The following ZNF254 variants were observed in gnomAD, a reference collection of about 807,000 sequenced individuals.
ZNF254 encodes CTD-2017D11.1.
ZNF254 carries 10 observed loss-of-function variants against 12.4 expected under a neutral mutation model. That is an observed-to-expected ratio of 0.80 (90% confidence interval 0.50 to 1.36). ZNF254 has a LOEUF of 1.36. Ranked by LOEUF, ZNF254 falls within the 40% of genes most tolerant of loss-of-function variation. ZNF254 has a pLI of 0.00. For missense variants in ZNF254, 996 were observed against 763.9 expected (o/e 1.30, Z -3.58); for synonymous variants, 305 against 253.4 (o/e 1.20, Z -1.93).
At chr19:24,062,554 T>G (rs1446927533) in intron 2 of ZNF254, among the ~76,000 whole-genome samples, 1 of 152,106 alleles carries the variant, frequency 6.6e-6, no homozygotes, top group Non-Finnish European at 1.5e-5. Flanking sequence ...CCATATACAG[T>G]CCACAAGAGA....
At chr19:24,034,901 A>G (rs1222531137) in intron 1 of ZNF254, among the ~76,000 whole-genome samples, 1 of 151,230 alleles carries the variant, frequency 6.6e-6, no homozygotes, top group Non-Finnish European at 1.5e-5. Context: ...CTCTTGCCTC[A>G]GCCTCCCGAG....
intron 1 of ZNF254, among the ~76,000 whole-genome samples, chr19:24,100,259 A>G (rs1022395860): frequency 7.0e-6 from 1 of 143,436 alleles, no homozygotes; most frequent in Non-Finnish European, 1.5e-5. Context: ...ACATGGAGAC[A>G]TGAGAATCTC....
chr19:24,041,235 C>T (rs994948987), intron 1 of ZNF254, among the ~76,000 whole-genome samples: 19 of 152,250 alleles, frequency 1.2e-4, no homozygotes, highest in African/African-American at 4.3e-4. Flanking sequence ...CCCTTCAGGC[C>T]CCCCACTGCA....
In ZNF254 at chr19:24,059,718, C is replaced by T. The variant is rs533629037; in HGVS notation, c.-94+13439C>T. On this transcript the variant is annotated intron_variant, in intron 2 of 4. Transcript: ENST00000613065. ...GGGTATGATGATGTTTCTTTTCTTT[C>T]ATCACCCAAGTGGTGTGACTCTCCA... is the stretch of plus-strand genomic sequence containing the variant. Among the ~76,000 whole-genome samples, 5 of 152,284 alleles carry T rather than the reference C, an allele frequency of 3.3e-5. No individual in the cohort carries two copies. In the South Asian group the frequency reaches 6.2e-4, roughly 19 times the overall value.
At chr19:24,038,698 C>T (rs1970051889) in intron 1 of ZNF254, among the ~76,000 whole-genome samples, 1 of 152,206 alleles carries the variant, frequency 6.6e-6, no homozygotes, top group Non-Finnish European at 1.5e-5. Context: ...CACAATTGTG[C>T]AGTAAAGTGC....
chr19:24,082,037 C>A (rs760049872), intron 2 of ZNF254, among the ~76,000 whole-genome samples: 4 of 151,780 alleles, frequency 2.6e-5, no homozygotes, highest in Non-Finnish European at 4.4e-5. Flanking sequence ...GCATGAGAAT[C>A]ACTTGAACCT....
chr19:24,117,967 G>A (rs1444466288), intron 3 of ZNF254, among the ~76,000 whole-genome samples: 2 of 151,580 alleles, frequency 1.3e-5, no homozygotes, highest in African/African-American at 2.4e-5. Flanking sequence ...TTTATTTTTA[G>A]TTATTTGAAG....
chr19:24,098,987 T>C (rs1972832930), intron 1 of ZNF254: 1 of 133,732 alleles, frequency 7.5e-6, no homozygotes, highest in South Asian at 2.5e-4. Flanking sequence ...CAGGCTTCGC[T>C]CTTTTTTTTT....
At chr19:24,105,799 T>G in intron 1 of ZNF254, 141 bp from the exon 2 acceptor site, 1 of 1,350,594 alleles carries the variant, frequency 7.4e-7, no homozygotes, top group Non-Finnish European at 9.9e-7. Context: ...TGTTCATGTG[T>G]TGACAATTAT....
chr19:24,075,027 T>A (rs747409345), intron 2 of ZNF254, among the ~76,000 whole-genome samples: 20 of 152,232 alleles, frequency 1.3e-4, no homozygotes, highest in Non-Finnish European at 2.2e-4. Context: ...TGTATTGTGA[T>A]GTATGGCTGG....
intron 3 of ZNF254, among the ~76,000 whole-genome samples, chr19:24,123,309 C>A (rs1974611895): frequency 6.6e-6 from 1 of 152,088 alleles, no homozygotes; most frequent in South Asian, 2.1e-4. Context: ...TTTGGTAAGA[C>A]TTCCTTTTTG....
At position 24,087,261 on chromosome 19, in the gene ZNF254, G is replaced by T. The variant is rs1337247863; in HGVS notation, c.-47G>T. On this transcript the variant is annotated 5_prime_UTR_variant, in exon 1 of 4. Transcript: ENST00000357002. ...TGTGTCCTCTGCTCCTAGAGGCCCA[G>T]CCTCTGTGGCGCTGTTACCAGCAGG... The T allele has an allele frequency of 6.2e-7, 1 of 1,612,370 alleles. No individual in the cohort carries two copies. The highest frequency in any genetic ancestry group is 1.3e-5 in the African/African-American group (1 of 75,012).
intron 2 of ZNF254, chr19:24,078,861 C>G (rs935712011): frequency 6.6e-6 from 1 of 152,170 alleles, no homozygotes; most frequent in Non-Finnish European, 1.5e-5. Context: ...ACATCTTGAT[C>G]TTTTGTCATT....
chr19:24,119,001 A>G (rs556165394), intron 3 of ZNF254, among the ~76,000 whole-genome samples: 8 of 151,794 alleles, frequency 5.3e-5, no homozygotes, highest in African/African-American at 1.9e-4. Context: ...AACCCAGGCT[A>G]CTCGGGAGGC....
intron 1 of ZNF254, among the ~76,000 whole-genome samples, chr19:24,101,291 C>T (rs1479714557): frequency 6.6e-6 from 1 of 152,224 alleles, no homozygotes; most frequent in East Asian, 1.9e-4. Flanking sequence ...GGTCTGGCCT[C>T]TGCCTGGAAT....
chr19:24,063,161 A>C (rs1438391282), intron 2 of ZNF254, among the ~76,000 whole-genome samples: 1 of 152,180 alleles, frequency 6.6e-6, no homozygotes, highest in Non-Finnish European at 1.5e-5. Flanking sequence ...TCCACCATTG[A>C]GACTGACCCC....
chr19:24,100,988 C>T (rs532998281), intron 1 of ZNF254, among the ~76,000 whole-genome samples: 108 of 152,052 alleles, frequency 7.1e-4, no homozygotes, highest in African/African-American at 2.1e-3. Flanking sequence ...CCACCATGCC[C>T]GGCTAATTTT....
At chr19:24,095,215 C>A (rs944063101) in intron 1 of ZNF254, among the ~76,000 whole-genome samples, 4 of 152,128 alleles carry the variant, frequency 2.6e-5, no homozygotes, top group Non-Finnish European at 4.4e-5. Context: ...GTTGAACCAA[C>A]CTTACATTCC....
intron 2 of ZNF254, chr19:24,078,941 C>T (rs538280387): frequency 1.3e-5 from 2 of 152,310 alleles, no homozygotes; most frequent in South Asian, 2.1e-4. Context: ...GTTACTAAAA[C>T]CTCAGGAACA....
Sources: gnomAD v4.1 joint callset for allele counts (sites outside exome capture counted in the v4.1 genomes callset) on GRCh38, gnomAD v4.1.1 for gene constraint, MANE v1.5 for transcripts, NCBI Gene and HGNC (gene_info 2026-07-23, HGNC 2026-07-21) for gene names.